ACSS3: variants seen among roughly 807,000 people sequenced by gnomAD.
The protein encoded by ACSS3 is acyl-CoA synthetase short chain family member 3.
In ACSS3, 64 loss-of-function variants were observed where a neutral mutation model predicts 84.2. The observed-to-expected ratio is 0.76, with a 90% CI of 0.62 to 0.94. ACSS3 has a LOEUF of 0.94. Among genes scored for constraint, ACSS3 ranks in the 40% least tolerant of loss-of-function variants. The pLI is 0.00. For synonymous variants in ACSS3, 317 were observed against 310.1 expected (o/e 1.02, Z -0.23); for missense variants, 815 against 867.6 (o/e 0.94, Z 0.76).
At chr12:81,081,343 A>G (rs917225664) in intron 1 of ACSS3, among the ~76,000 whole-genome samples, 4 of 152,310 alleles carry the variant, frequency 2.6e-5, no homozygotes, top group Non-Finnish European at 2.9e-5. Flanking sequence ...CCTTCAAAAA[A>G]CAAATCCAAA....
intron 5 of ACSS3, among the ~76,000 whole-genome samples, chr12:81,144,876 T>A (rs1342376183): frequency 1.3e-5 from 2 of 150,350 alleles, no homozygotes; most frequent in Non-Finnish European, 3.0e-5. Context: ...GGACCCTAGC[T>A]ATTCCAGGTT....
chr12:81,211,172 G>A (rs1303513471), intron 9 of ACSS3, among the ~76,000 whole-genome samples: 3 of 152,066 alleles, frequency 2.0e-5, no homozygotes, highest in African/African-American at 7.2e-5. Context: ...GTAAGATGGG[G>A]TTTCACCACG....
chr12:81,151,754 G>T, intron 5 of ACSS3, 90 bp from the exon 6 acceptor site: 1 of 1,122,260 alleles, frequency 8.9e-7, no homozygotes, highest in South Asian at 1.6e-5. Context: ...AAATACTTTT[G>T]ACCAGGAACT....
chr12:81,182,308 A>G (rs963473699), intron 8 of ACSS3, among the ~76,000 whole-genome samples: 1 of 152,230 alleles, frequency 6.6e-6, no homozygotes, highest in Non-Finnish European at 1.5e-5. Context: ...CCTTCAGGAA[A>G]GAAGGATAAA....
At chr12:81,249,873 T>G (rs1050084275) in intron 13 of ACSS3, among the ~76,000 whole-genome samples, 1 of 152,122 alleles carries the variant, frequency 6.6e-6, no homozygotes, top group African/African-American at 2.4e-5. Context: ...TTAAGATTCT[T>G]AAAAATGTAA....
At chr12:81,145,068 T>C (rs28473416) in intron 5 of ACSS3, among the ~76,000 whole-genome samples, 2 of 34,310 alleles carry the variant, frequency 5.8e-5, no homozygotes, top group Non-Finnish European at 9.9e-5. Context: ...GCCTGGCTAA[T>C]TTTTTTTTTT....
rs139259798 is a variant in ACSS3 at position 81,133,549 on chromosome 12, C to T, written c.457-1267C>T. 1.6e-3 allele frequency among the ~76,000 whole-genome samples: 251 copies of T among 152,232 alleles called. 4 individuals carry two copies. The South Asian group carries it at 0.026, about 15-fold the overall frequency. On this transcript the variant is annotated intron_variant, in intron 2 of 15. Transcript: ENST00000548058. ...GATGTTCTCTTTGCCTGAAATAGTA[C>T]ATTCATAGATATCCACTTTTTTTCA...
intron 8 of ACSS3, among the ~76,000 whole-genome samples, chr12:81,189,971 G>A (rs1219568386): frequency 6.6e-6 from 1 of 152,018 alleles, no homozygotes; most frequent in Non-Finnish European, 1.5e-5. Context: ...CTTTTGTCAT[G>A]ACAGTGCCTA....
chr12:81,101,295 C>T (rs946681646), intron 1 of ACSS3, among the ~76,000 whole-genome samples: 3 of 151,982 alleles, frequency 2.0e-5, no homozygotes, highest in Admixed American at 6.6e-5. Flanking sequence ...GCAAGCTAGA[C>T]CATTAAAATT....
intron 13 of ACSS3, among the ~76,000 whole-genome samples, chr12:81,233,858 T>A (rs954299976): frequency 6.6e-6 from 1 of 151,518 alleles, no homozygotes; most frequent in Non-Finnish European, 1.5e-5. Context: ...TCCTGAGAAT[T>A]TTCTTCCAAT....
intron 8 of ACSS3, among the ~76,000 whole-genome samples, chr12:81,183,500 C>T (rs554354644): frequency 6.6e-6 from 1 of 152,048 alleles, no homozygotes; most frequent in East Asian, 1.9e-4. Context: ...GATTTTGTTC[C>T]CTAACCAAAA....
intron 8 of ACSS3, among the ~76,000 whole-genome samples, chr12:81,190,781 A>G (rs536360062): frequency 6.6e-6 from 1 of 151,912 alleles, no homozygotes; most frequent in Non-Finnish European, 1.5e-5. Context: ...CAAATTAACA[A>G]AGTTTCTATT....
chr12:81,212,331 G>C (rs563891966), intron 9 of ACSS3, among the ~76,000 whole-genome samples: 2 of 152,248 alleles, frequency 1.3e-5, no homozygotes, highest in South Asian at 2.1e-4. Flanking sequence ...AAAACTATTT[G>C]CTAGTAAGTG....
intron 1 of ACSS3, among the ~76,000 whole-genome samples, chr12:81,105,639 A>T (rs181684707): frequency 6.6e-6 from 1 of 152,320 alleles, no homozygotes; most frequent in Admixed American, 6.5e-5. Context: ...ATGCTTCTTG[A>T]AAGTTTAGTA....
intron 3 of ACSS3, among the ~76,000 whole-genome samples, chr12:81,138,540 A>G (rs1348824966): frequency 6.6e-6 from 1 of 152,240 alleles, no homozygotes; most frequent in Non-Finnish European, 1.5e-5. Flanking sequence ...TATAAAGTGT[A>G]TCTTAAGGAC....
chr12:81,086,735 T>G (rs553093528), intron 1 of ACSS3, among the ~76,000 whole-genome samples: 5 of 151,920 alleles, frequency 3.3e-5, no homozygotes, highest in Admixed American at 1.3e-4. Context: ...TTCTTTTTAT[T>G]TTTTTTTATT....
intron 13 of ACSS3, among the ~76,000 whole-genome samples, chr12:81,249,320 C>T (rs2034082917): frequency 6.6e-6 from 1 of 151,964 alleles, no homozygotes; most frequent in African/African-American, 2.4e-5. Context: ...AAGAAATGTA[C>T]AGGAAACAAA....
At chr12:81,081,685 CA>C (rs745936047) in intron 1 of ACSS3, among the ~76,000 whole-genome samples, 8 of 152,132 alleles carry the variant, frequency 5.3e-5, no homozygotes, top group Non-Finnish European at 7.4e-5. Context: ...CATTGCAATC[CA>C]ATTTTAGTTT....
rs1363544315 is a variant in ACSS3 at position 81,143,146 on chromosome 12, G to A, written c.820G>A (p.Asp274Asn). 1 of 1,613,704 alleles carries A rather than the reference G, an allele frequency of 6.2e-7. No individual in the cohort carries two copies. The highest frequency in any genetic ancestry group is 1.7e-5 in the Admixed American group (1 of 60,000). ...PLAPGRDLDW[D>N]EEMAKAQSHD... The stretch of plus-strand genomic sequence containing the variant: ...GGCTCCCGGTCGTGACCTTGATTGG[G>A]ATGAAGAGATGGCAAAAGCCCAGTC... The change falls in exon 5 of 16, where the codon GAT becomes AAT. Residue 274 changes from aspartate to asparagine, a missense_variant. Transcript: ENST00000548058.
Sources: allele counts gnomAD v4.1 joint callset (sites outside exome capture counted in the v4.1 genomes callset), GRCh38; gene constraint gnomAD v4.1.1; transcripts MANE v1.5; gene names NCBI Gene and HGNC (gene_info 2026-07-23, HGNC 2026-07-21).